PITPNB: variants seen among roughly 807,000 people sequenced by gnomAD.
PITPNB encodes the protein phosphatidylinositol transfer protein beta, also known as phosphatidylinositol transfer protein beta isoform.
In PITPNB, 16 loss-of-function variants were observed where a neutral mutation model predicts 45.9. The observed-to-expected ratio is 0.35, with a 90% CI of 0.24 to 0.53. PITPNB has a LOEUF of 0.53. Among genes scored for constraint, PITPNB ranks in the 20% least tolerant of loss-of-function variants. The probability of loss-of-function intolerance (pLI) is 0.93; values close to 1 mark genes in which losing one functional copy is unlikely to be tolerated. For missense variants in PITPNB, 188 were observed against 330.5 expected, an observed-to-expected ratio of 0.57 and a Z score of 3.34; for synonymous variants, 112 against 108.9, an observed-to-expected ratio of 1.03 and a Z score of -0.18.
At chr22:27,869,126 C>A (rs1286137189) in intron 8 of PITPNB, among the ~76,000 whole-genome samples, 1 of 152,022 alleles carries the variant, frequency 6.6e-6, no homozygotes, top group African/African-American at 2.4e-5. Flanking sequence ...TATAGAGAAA[C>A]AAGACATTAA....
At chr22:27,889,627 C>T (rs1382740694) in intron 7 of PITPNB, among the ~76,000 whole-genome samples, 6 of 152,194 alleles carry the variant, frequency 3.9e-5, no homozygotes, top group African/African-American at 1.4e-4. Flanking sequence ...TCTCTGAAAT[C>T]CTACAGCACT....
At chr22:27,919,055 C>T (rs768121575) in intron 1 of PITPNB, 117 bp downstream of exon 1, 6 of 1,524,708 alleles carry the variant, frequency 3.9e-6, no homozygotes, top group Admixed American at 1.7e-5. Flanking sequence ...GGGGCGCCCG[C>T]AGGGAGGGGC....
chr22:27,869,595 G>C (rs1227309340), intron 8 of PITPNB, among the ~76,000 whole-genome samples: 1 of 151,990 alleles, frequency 6.6e-6, no homozygotes, highest in East Asian at 1.9e-4. Context: ...AGAATGAGGG[G>C]AACACATTCT....
Position 27,859,858 on chromosome 22 carries a change from AG to A in PITPNB, c.645+272del, listed in dbSNP as rs199694595. Among the ~76,000 whole-genome samples, 31 of 152,322 alleles carry A rather than the reference AG, an allele frequency of 2.0e-4. No individual in the cohort carries two copies. The East Asian group carries it at 6.0e-3, about 29-fold the overall frequency. ...TCTTGGGGACGTGCTGTATGGGGAA[AG>A]GGTTCTCTACAGAAGCGCTGGGCAA... On this transcript the variant is annotated intron_variant, in intron 9 of 11. Coordinates refer to ENST00000335272, the MANE Select transcript of PITPNB (RefSeq NM_012399.5).
At chr22:27,868,720 A>G (rs1302095062) in intron 8 of PITPNB, among the ~76,000 whole-genome samples, 2 of 152,140 alleles carry the variant, frequency 1.3e-5, no homozygotes, top group Non-Finnish European at 2.9e-5. Context: ...TAATTTAAAA[A>G]CCACCATAAT....
Position 27,854,948 on chromosome 22 carries a change from A to C in PITPNB, c.769-9T>G. On this transcript the variant is annotated splice_polypyrimidine_tract_variant and intron_variant, in intron 10 of 11. Transcript: ENST00000335272. ...GAACCCCTCTTACGCATCTAAACGT[A>C]AAATAAAATTGTGAGCTGCTGAAAT... 6.2e-7 allele frequency: 1 copy of C among 1,608,810 alleles called. No homozygotes were observed. The highest frequency in any genetic ancestry group is 8.5e-7 in the Non-Finnish European group (1 of 1,175,194).
chr22:27,914,233 T>A, intron 2 of PITPNB, 84 bp downstream of exon 2: 1 of 813,598 alleles, frequency 1.2e-6, no homozygotes. Flanking sequence ...GGTAAATCAA[T>A]ACTACGAAAA....
chr22:27,873,178 A>G (rs1401045484), intron 8 of PITPNB, among the ~76,000 whole-genome samples: 1 of 152,192 alleles, frequency 6.6e-6, no homozygotes, highest in Non-Finnish European at 1.5e-5. Context: ...GAGGCAGGAC[A>G]ATCACTTCAA....
At chr22:27,904,801 C>T (rs1048657866) in intron 3 of PITPNB, among the ~76,000 whole-genome samples, 1 of 152,124 alleles carries the variant, frequency 6.6e-6, no homozygotes, top group African/African-American at 2.4e-5. Context: ...TGATTTACAA[C>T]CCCAGTTTGT....
At chr22:27,880,903 G>C (rs997221026) in intron 7 of PITPNB, among the ~76,000 whole-genome samples, 1 of 152,218 alleles carries the variant, frequency 6.6e-6, no homozygotes, top group Non-Finnish European at 1.5e-5. Context: ...TTACAGGCGT[G>C]AGCCACTGCA....
At chr22:27,907,522 T>C (rs962406436) in intron 3 of PITPNB, among the ~76,000 whole-genome samples, 1 of 152,212 alleles carries the variant, frequency 6.6e-6, no homozygotes, top group Non-Finnish European at 1.5e-5. Context: ...TCCTCACTAC[T>C]GTCAGAATAG....
chr22:27,854,989 G>A (rs1934130541), intron 10 of PITPNB, 50 bp from the exon 11 acceptor site: 1 of 1,290,520 alleles, frequency 7.7e-7, no homozygotes, highest in Non-Finnish European at 1.1e-6. Context: ...TCTAAATAGG[G>A]GTTAGTAAGC....
rs182048069 is a variant in PITPNB, at chr22:27,903,260, A to G, written c.198-5368T>C. 6.8e-3 allele frequency among the ~76,000 whole-genome samples: 1,027 copies of G among 152,096 alleles called. 7 individuals carry two copies. Among genetic ancestry groups the G allele is most frequent in the African/African-American group, 0.023 (933 of 41,466 alleles). On this transcript the variant is annotated intron_variant, in intron 3 of 11. Coordinates refer to ENST00000335272, the MANE Select transcript of PITPNB (RefSeq NM_012399.5). ...CGAGGAGGGTAGATCACCTGAGGTC[A>G]GGAGTTCGAGACCAGCCTGACCAAC...
intron 3 of PITPNB, among the ~76,000 whole-genome samples, chr22:27,899,809 G>C (rs1935542079): frequency 6.6e-6 from 1 of 152,112 alleles, no homozygotes; most frequent in Non-Finnish European, 1.5e-5. Flanking sequence ...GGGTACAATG[G>C]AACACATGAG....
chr22:27,889,953 A>G (rs115843014), intron 7 of PITPNB, among the ~76,000 whole-genome samples: 8 of 152,362 alleles, frequency 5.3e-5, no homozygotes, highest in African/African-American at 1.9e-4. Context: ...ATCTGGTAAG[A>G]AGTAGTGACC....
intron 1 of PITPNB, 40 bp downstream of exon 1, chr22:27,919,132 G>A: frequency 6.2e-7 from 1 of 1,613,884 alleles, no homozygotes; most frequent in Admixed American, 1.7e-5. Flanking sequence ...TCCCATCACT[G>A]CCGTCCCACG....
chr22:27,874,359 AGAGCCC>A (rs1364101096), intron 7 of PITPNB, among the ~76,000 whole-genome samples: 31 of 152,248 alleles, frequency 2.0e-4, no homozygotes, highest in African/African-American at 7.2e-4. Flanking sequence ...CCCTTGTTCG[AGAGCCC>A]TGGGATACAC....
chr22:27,906,036 A>C (rs946878367), intron 3 of PITPNB, among the ~76,000 whole-genome samples: 1 of 152,246 alleles, frequency 6.6e-6, no homozygotes, highest in African/African-American at 2.4e-5. Context: ...GCACATATGG[A>C]AATATATGAC....
At chr22:27,893,058 A>G (rs1265599404) in intron 7 of PITPNB, among the ~76,000 whole-genome samples, 1 of 152,242 alleles carries the variant, frequency 6.6e-6, no homozygotes, top group Non-Finnish European at 1.5e-5. Context: ...ATAAGCACCA[A>G]AAATAGAAAT....
Sources: allele counts gnomAD v4.1 joint callset (sites outside exome capture counted in the v4.1 genomes callset), GRCh38; gene constraint gnomAD v4.1.1; transcripts MANE v1.5; gene names NCBI Gene and HGNC (gene_info 2026-07-23, HGNC 2026-07-21).